The following PTPRN2 variants were observed in gnomAD, a reference collection of about 807,000 sequenced individuals.
The protein encoded by PTPRN2 is protein tyrosine phosphatase receptor type N2, also known as receptor-type tyrosine-protein phosphatase N2.
In PTPRN2, 74 loss-of-function variants were observed where a neutral mutation model predicts 118.8. The observed-to-expected ratio is 0.62, with a 90% CI of 0.52 to 0.76. The LOEUF (loss-of-function observed/expected upper bound fraction) is 0.76, where lower values mean the gene tolerates loss of function less well. Ranked by LOEUF, PTPRN2 falls within the 30% of genes least tolerant of loss-of-function variation. PTPRN2 has a pLI of 0.00. For missense variants in PTPRN2, 1,481 were observed against 1,394.4 expected, an observed-to-expected ratio of 1.06 and a Z score of -0.99; for synonymous variants, 641 against 608.0, an observed-to-expected ratio of 1.05 and a Z score of -0.80.
intron 11 of PTPRN2, among the ~76,000 whole-genome samples, chr7:157,927,974 G>C (rs761874205): frequency 6.6e-6 from 1 of 152,180 alleles, no homozygotes; most frequent in Admixed American, 6.5e-5. Flanking sequence ...AGAGCTGCCC[G>C]ACGCTTAGAG....
chr7:158,251,213 G>C (rs1796633881), intron 3 of PTPRN2, among the ~76,000 whole-genome samples: 1 of 152,224 alleles, frequency 6.6e-6, no homozygotes, highest in Non-Finnish European at 1.5e-5. Flanking sequence ...CAGGGTCAAA[G>C]AACTGGGCTC....
At chr7:158,269,865 GAGAC>G (rs1331662025) in intron 3 of PTPRN2, among the ~76,000 whole-genome samples, 2 of 151,884 alleles carry the variant, frequency 1.3e-5, no homozygotes, top group Non-Finnish European at 2.9e-5. Flanking sequence ...GAGACAGAGA[GAGAC>G]AGAAAGAGAC....
intron 21 of PTPRN2, among the ~76,000 whole-genome samples, chr7:157,551,086 G>C (rs1162967284): frequency 6.6e-6 from 1 of 152,144 alleles, no homozygotes; most frequent in Non-Finnish European, 1.5e-5. Context: ...CTACACAGCA[G>C]AATCATGGCA....
intron 1 of PTPRN2, among the ~76,000 whole-genome samples, chr7:158,506,566 TCTC>T (rs1317500265): frequency 6.6e-6 from 1 of 151,602 alleles, no homozygotes; most frequent in Non-Finnish European, 1.5e-5. Flanking sequence ...ACATCCGTCT[TCTC>T]CTTGAATGGG....
chr7:158,199,154 G>C (rs1339519269), intron 4 of PTPRN2, among the ~76,000 whole-genome samples: 1 of 152,038 alleles, frequency 6.6e-6, no homozygotes, highest in Non-Finnish European at 1.5e-5. Context: ...TCAGGTTCCT[G>C]GTTCTCAGGT....
At position 157,598,218 on chromosome 7, in the gene PTPRN2, G is replaced by A. The variant is rs1801460416; in HGVS notation, c.2419-2903C>T. 1.3e-5 allele frequency among the ~76,000 whole-genome samples: 2 copies of A among 152,162 alleles called. No individual in the cohort carries two copies. The highest frequency in any genetic ancestry group is 2.4e-5 in the African/African-American group (1 of 41,428). ...GTCTTCCCCACCCAGCGATCACACG[G>A]CACCTACTCTGGCTTCCTCCGGTCT... On this transcript the variant is annotated intron_variant, in intron 16 of 22. Coordinates refer to ENST00000389418, the MANE Select transcript of PTPRN2 (RefSeq NM_002847.5). This position sits in a 1 kb window ranked among gnomAD's most constrained non-coding sequence, Gnocchi z 5.2.
chr7:158,236,218 G>A (rs992611520), intron 3 of PTPRN2, among the ~76,000 whole-genome samples: 3 of 152,156 alleles, frequency 2.0e-5, no homozygotes, highest in Admixed American at 6.5e-5. Context: ...GTGTGGAAAC[G>A]CTTGGCTAAA....
At chr7:157,864,794 T>C (rs1004379192) in intron 12 of PTPRN2, 1 of 152,238 alleles carries the variant, frequency 6.6e-6, no homozygotes, top group African/African-American at 2.4e-5. Context: ...GAGACCCAGG[T>C]TTGGGCCCCA....
At chr7:157,972,347 G>A (rs567344627) in intron 11 of PTPRN2, among the ~76,000 whole-genome samples, 2 of 152,312 alleles carry the variant, frequency 1.3e-5, no homozygotes, top group South Asian at 4.1e-4. Flanking sequence ...TGGGACCTCG[G>A]GTCTTAAAGG....
intron 11 of PTPRN2, among the ~76,000 whole-genome samples, chr7:157,900,751 G>A (rs1174010673): frequency 6.6e-6 from 1 of 152,182 alleles, no homozygotes; most frequent in Non-Finnish European, 1.5e-5. Context: ...GGCCCTCTGT[G>A]TCTCACAGTT....
chr7:158,352,246 G>A (rs1386943441), intron 2 of PTPRN2, among the ~76,000 whole-genome samples: 2 of 46,594 alleles, frequency 4.3e-5, no homozygotes, highest in Non-Finnish European at 8.2e-5. Flanking sequence ...CCTCCTGTCC[G>A]CTCCCCTCCT....
At chr7:158,282,832 C>T (rs1311891176) in intron 3 of PTPRN2, among the ~76,000 whole-genome samples, 13 of 150,516 alleles carry the variant, frequency 8.6e-5, no homozygotes, top group Admixed American at 7.3e-4. Context: ...ACACAGCAGC[C>T]GGACACAGAT....
intron 3 of PTPRN2, among the ~76,000 whole-genome samples, chr7:158,224,510 A>C (rs73176115): frequency 0.16 from 24,524 of 152,216 alleles, 2,313 homozygotes; most frequent in Non-Finnish European, 0.22. Flanking sequence ...CTTTTCAACA[A>C]ATGGTCCTGG....
At chr7:158,455,220 G>C (rs1818382967) in intron 2 of PTPRN2, among the ~76,000 whole-genome samples, 1 of 151,874 alleles carries the variant, frequency 6.6e-6, no homozygotes, top group Admixed American at 6.6e-5. Flanking sequence ...ATCGGCCACG[G>C]CCACCCATCG....
intron 12 of PTPRN2, among the ~76,000 whole-genome samples, chr7:157,850,092 C>G (rs933364226): frequency 6.6e-6 from 1 of 152,234 alleles, no homozygotes; most frequent in African/African-American, 2.4e-5. Flanking sequence ...GCTTGAAAAT[C>G]TTTTATGGGA....
intron 14 of PTPRN2, among the ~76,000 whole-genome samples, chr7:157,647,062 G>A (rs1300655923): frequency 6.8e-6 from 1 of 148,008 alleles, no homozygotes; most frequent in Admixed American, 6.8e-5. Flanking sequence ...CACTGAACTC[G>A]GTGGGTCGGA....
intron 2 of PTPRN2, among the ~76,000 whole-genome samples, chr7:158,469,107 G>A (rs1352314147): frequency 1.3e-5 from 2 of 152,256 alleles, no homozygotes; most frequent in African/African-American, 2.4e-5. Flanking sequence ...GCACACTCCT[G>A]GTGGATCAAC....
At chr7:157,661,175 G>A (rs1795865439) in intron 13 of PTPRN2, among the ~76,000 whole-genome samples, 1 of 152,286 alleles carries the variant, frequency 6.6e-6, no homozygotes. Flanking sequence ...CTCTCAGCGG[G>A]GACCCGCGGC....
At chr7:158,446,768 A>G (rs1032700446) in intron 2 of PTPRN2, among the ~76,000 whole-genome samples, 6 of 152,174 alleles carry the variant, frequency 3.9e-5, no homozygotes, top group African/African-American at 7.2e-5. Flanking sequence ...GCCCAGCCCC[A>G]TGGCAGCCCC....
Sources: gnomAD v4.1 joint callset for allele counts (sites outside exome capture counted in the v4.1 genomes callset) on GRCh38, gnomAD v4.1.1 for gene constraint, Gnocchi (gnomAD v3.1) non-coding constraint, MANE v1.5 for transcripts, NCBI Gene and HGNC (gene_info 2026-07-23, HGNC 2026-07-21) for gene names.